Variants in CEP135 observed in about 807,000 individuals in gnomAD.
The protein encoded by CEP135 is centrosomal protein 135, also known as centrosomal protein of 135 kDa.
Under a neutral mutation model 157.3 loss-of-function variants are expected in CEP135, and 142 were observed. The ratio of observed to expected loss-of-function variants is 0.90; its 90% CI spans 0.79 to 1.04. The LOEUF is 1.04. CEP135 is among the 50% of genes least tolerant of loss of function. The pLI is 0.00. For missense variants in CEP135, 1,317 were observed against 1,309.2 expected (o/e 1.01, Z -0.09); for synonymous variants, 396 against 439.8 (o/e 0.90, Z 1.25).
intron 6 of CEP135, among the ~76,000 whole-genome samples, chr4:55,961,351 A>G (rs1254634909): frequency 6.6e-6 from 1 of 152,152 alleles, no homozygotes; most frequent in African/African-American, 2.4e-5. Flanking sequence ...TGTGGTTTGC[A>G]ATCTTAGTTG....
At chr4:56,024,459 T>C in intron 24 of CEP135, 42 bp from the exon 25 acceptor site, 1 of 1,448,758 alleles carries the variant, frequency 6.9e-7, no homozygotes, top group Non-Finnish European at 9.6e-7. Flanking sequence ...TGATTTTCCC[T>C]GGTGCTTGAA....
In CEP135 at chr4:55,981,229, T is replaced by A. The variant is rs1166098476; in HGVS notation, c.1629T>A (p.Ala543=). ...TTTATATCTTTTCATTCTTTAAGGC[T>A]CAGGAAGAATTATCTGCCCTAAGAA... The part of the protein sequence containing the change: ...RDKLSVLYNE[A]QEELSALRKE... The change falls in exon 13 of 26, where the codon GCT becomes GCA. Residue 543 remains alanine (A), a splice_region_variant and synonymous_variant. Coordinates refer to ENST00000257287, the MANE Select transcript of CEP135 (RefSeq NM_025009.5). The A allele has an allele frequency of 8.9e-6, 14 of 1,580,284 alleles. No homozygotes were observed. Among genetic ancestry groups the A allele is most frequent in the Non-Finnish European group, 1.2e-5 (14 of 1,170,428 alleles).
chr4:55,999,673 A>G (rs750305540), intron 17 of CEP135, 28 bp downstream of exon 17: 3 of 1,574,704 alleles, frequency 1.9e-6, no homozygotes, highest in South Asian at 1.2e-5. Flanking sequence ...GTAATTTTCC[A>G]GCATCCAAAC....
Position 56,020,726 on chromosome 4 carries a change from TACAA to T in CEP135, c.3270_3273del (p.Thr1091IlefsTer5), listed in dbSNP as rs1191945784. The T allele has an allele frequency of 1.2e-6, 2 of 1,613,648 alleles. No homozygotes were observed. The highest frequency in any genetic ancestry group is 1.7e-6 in the Non-Finnish European group (2 of 1,179,832). On this transcript the variant is annotated frameshift_variant, in exon 24 of 26. Coordinates refer to ENST00000257287, the MANE Select transcript of CEP135 (RefSeq NM_025009.5). LOFTEE classifies it high-confidence loss of function. Reference sequence around the variant, plus strand: ...ATGCTTCGAGCTAAAGTGGCACAGTTACAAACAGATTATGATGCTCTGAAAAGGC... The same window carrying T: ...ATGCTTCGAGCTAAAGTGGCACAGTTACAGATTATGATGCTCTGAAAAGGC...
intron 24 of CEP135, 68 bp downstream of exon 24, chr4:56,020,848 T>C: frequency 9.0e-7 from 1 of 1,108,508 alleles, no homozygotes; most frequent in Non-Finnish European, 1.3e-6. Context: ...AGAAAGTATT[T>C]AATATGGCTT....
chr4:55,955,428 C>G (rs575325618), intron 4 of CEP135, among the ~76,000 whole-genome samples: 2 of 152,164 alleles, frequency 1.3e-5, no homozygotes, highest in South Asian at 2.1e-4. Context: ...AGAGGAGACT[C>G]CTGAGAGTGG....
At chr4:56,012,028 CAG>C (rs1323363567) in intron 21 of CEP135, 43 bp downstream of exon 21, 1 of 1,100,042 alleles carries the variant, frequency 9.1e-7, no homozygotes, top group African/African-American at 1.6e-5. Flanking sequence ...TTTAGTGAAA[CAG>C]AAAACATTCA....
At chr4:55,981,899 A>G (rs1455167929) in intron 13 of CEP135, among the ~76,000 whole-genome samples, 1 of 152,198 alleles carries the variant, frequency 6.6e-6, no homozygotes, top group Non-Finnish European at 1.5e-5. Flanking sequence ...AACCCATTGT[A>G]AAGTCTTATA....
chr4:55,985,423 T>A, intron 14 of CEP135, 65 bp downstream of exon 14: 1 of 628,368 alleles, frequency 1.6e-6, no homozygotes, highest in South Asian at 3.5e-5. Context: ...ATTACAGTTT[T>A]AATACACTAT....
chr4:55,996,004 A>G (rs1729957747), intron 15 of CEP135, among the ~76,000 whole-genome samples: 1 of 152,240 alleles, frequency 6.6e-6, no homozygotes, highest in African/African-American at 2.4e-5. Context: ...AATGACCCAT[A>G]AAGTCTATCC....
intron 24 of CEP135, among the ~76,000 whole-genome samples, chr4:56,023,549 G>T (rs1432916680): frequency 6.7e-6 from 1 of 149,690 alleles, no homozygotes; most frequent in Admixed American, 6.7e-5. Context: ...TCTAGTTTTT[G>T]TGTGTGTCTA....
At chr4:56,028,882 T>C (rs1391995902) in intron 25 of CEP135, among the ~76,000 whole-genome samples, 2 of 152,176 alleles carry the variant, frequency 1.3e-5, no homozygotes, top group African/African-American at 2.4e-5. Context: ...CTGGAGATAG[T>C]GTCAGATCCC....
At chr4:55,953,441 G>C (rs559383752) in intron 3 of CEP135, among the ~76,000 whole-genome samples, 166 bp downstream of exon 3, 1 of 152,170 alleles carries the variant, frequency 6.6e-6, no homozygotes, top group African/African-American at 2.4e-5. Flanking sequence ...TAAGGTGGGA[G>C]GATTGCTTGA....
At chr4:56,007,018 C>T (rs932554158) in intron 17 of CEP135, among the ~76,000 whole-genome samples, 3 of 152,164 alleles carry the variant, frequency 2.0e-5, no homozygotes, top group South Asian at 2.1e-4. Context: ...CTCAGCCTCC[C>T]GAGTAGCTGG....
intron 18 of CEP135, among the ~76,000 whole-genome samples, 166 bp downstream of exon 18, chr4:56,008,548 CT>C (rs1730442546): frequency 6.6e-6 from 1 of 152,176 alleles, no homozygotes. Context: ...ATGTTATCTT[CT>C]TTAACCTCTC....
At chr4:55,983,568 G>A (rs924661833) in intron 13 of CEP135, among the ~76,000 whole-genome samples, 3 of 151,894 alleles carry the variant, frequency 2.0e-5, no homozygotes, top group African/African-American at 7.3e-5. Context: ...TCCCATGTGA[G>A]AGGCTCTGTT....
chr4:56,016,683 T>C (rs900207408), intron 21 of CEP135, among the ~76,000 whole-genome samples: 1 of 151,320 alleles, frequency 6.6e-6, no homozygotes, highest in Non-Finnish European at 1.5e-5. Context: ...TTTGTGGAGT[T>C]TTTTTTTTAA....
intron 11 of CEP135, among the ~76,000 whole-genome samples, 181 bp from the exon 12 acceptor site, chr4:55,979,962 C>G (rs1729345344): frequency 6.6e-6 from 1 of 152,106 alleles, no homozygotes. Flanking sequence ...GGAAATTTGC[C>G]CTGGTACTGC....
intron 23 of CEP135, among the ~76,000 whole-genome samples, chr4:56,020,443 C>T (rs1044319006): frequency 2.0e-5 from 3 of 152,258 alleles, no homozygotes; most frequent in Admixed American, 6.5e-5. Flanking sequence ...ATTTATGTCT[C>T]GTTCAAATTT....
Sources: gnomAD v4.1 joint callset for allele counts (sites outside exome capture counted in the v4.1 genomes callset) on GRCh38, gnomAD v4.1.1 for gene constraint, MANE v1.5 for transcripts, NCBI Gene and HGNC (gene_info 2026-07-23, HGNC 2026-07-21) for gene names.